The following SORL1 variants were observed in gnomAD, a reference collection of about 807,000 sequenced individuals.
The protein encoded by SORL1 is sortilin-related receptor.
Under a neutral mutation model 273.7 loss-of-function variants are expected in SORL1, and 127 were observed. The observed-to-expected ratio is 0.46, with a 90% CI of 0.40 to 0.54. The LOEUF is 0.54. Ranked by LOEUF, SORL1 falls within the 20% of genes least tolerant of loss-of-function variation. The pLI, the probability that SORL1 is intolerant of heterozygous loss-of-function variation, is 0.00. For missense variants in SORL1, 2,494 were observed against 2,846.1 expected, an observed-to-expected ratio of 0.88 and a Z score of 2.81; for synonymous variants, 1,031 against 1,067.4, an observed-to-expected ratio of 0.97 and a Z score of 0.66.
intron 26 of SORL1, among the ~76,000 whole-genome samples, chr11:121,585,150 G>T (rs1863074902): frequency 6.6e-6 from 1 of 152,160 alleles, no homozygotes; most frequent in African/African-American, 2.4e-5. Flanking sequence ...GATTCATATT[G>T]TGCTTTTTCT....
rs373867020 is a variant in SORL1, at chr11:121,522,390, G to A, written c.1405-196G>A. Among the ~76,000 whole-genome samples the A allele has an allele frequency of 3.9e-5, 6 of 152,228 alleles. No individual in the cohort carries two copies. The East Asian group carries it at 5.8e-4, about 15-fold the overall frequency. On this transcript the variant is annotated intron_variant, in intron 9 of 47. Coordinates refer to ENST00000260197, the MANE Select transcript of SORL1 (RefSeq NM_003105.6). ...AGTTGTAATTGTTCTCTTCTTCCAC[G>A]GGACATTTATGTGGGTTCAGATGAT...
At chr11:121,575,171 A>G (rs1262502213) in intron 24 of SORL1, among the ~76,000 whole-genome samples, 1 of 152,222 alleles carries the variant, frequency 6.6e-6, no homozygotes, top group Non-Finnish European at 1.5e-5. Flanking sequence ...GGGCTTATTC[A>G]AGGTGACACA....
chr11:121,615,435 C>T (rs1049726918), intron 41 of SORL1, among the ~76,000 whole-genome samples: 13 of 152,238 alleles, frequency 8.5e-5, no homozygotes, highest in African/African-American at 3.1e-4. Context: ...TAGTTGATCT[C>T]TCTCCCTATG....
At chr11:121,622,921 G>A (rs1863743657) in intron 45 of SORL1, among the ~76,000 whole-genome samples, 2 of 152,230 alleles carry the variant, frequency 1.3e-5, no homozygotes, top group Admixed American at 1.3e-4. Context: ...AAATAGGAAT[G>A]TGATGAATCA....
At chr11:121,522,768 A>G in intron 10 of SORL1, 65 bp downstream of exon 10, 1 of 1,420,300 alleles carries the variant, frequency 7.0e-7, no homozygotes, top group Non-Finnish European at 1.0e-6. Flanking sequence ...CCAAATGCAG[A>G]GCGATCACCC....
At chr11:121,618,066 A>G (rs1863665361) in intron 41 of SORL1, among the ~76,000 whole-genome samples, 1 of 152,198 alleles carries the variant, frequency 6.6e-6, no homozygotes, top group African/African-American at 2.4e-5. Flanking sequence ...CCAGGCGACC[A>G]GAGGGCAGGA....
chr11:121,498,783 G>A (rs1448138610), intron 6 of SORL1, among the ~76,000 whole-genome samples: 2 of 152,044 alleles, frequency 1.3e-5, no homozygotes, highest in African/African-American at 4.8e-5. Flanking sequence ...GGCCGAGGCA[G>A]GAGAATTGCT....
At chr11:121,593,655 T>C (rs1010860338) in intron 31 of SORL1, among the ~76,000 whole-genome samples, 1 of 151,856 alleles carries the variant, frequency 6.6e-6, no homozygotes, top group Non-Finnish European at 1.5e-5. Context: ...TTCAGTAGCC[T>C]TGTCAGGTGA....
At chr11:121,612,382 C>G (rs1863578562) in intron 39 of SORL1, 1 of 193,210 alleles carries the variant, frequency 5.2e-6, no homozygotes, top group Non-Finnish European at 1.1e-5. Context: ...TTGGCCTTGA[C>G]TGCAAGGATT....
chr11:121,548,116 G>A lies in SORL1; in HGVS notation c.2052-1844G>A, dbSNP rs566459157. On this transcript the variant is annotated intron_variant, in intron 14 of 47. Transcript: ENST00000260197. ...TATGACCCTGTACTTACATATGTAC[G>A]TGTAGATACATACACACATATAATT... Among the ~76,000 whole-genome samples the A allele has an allele frequency of 2.6e-5, 4 of 152,138 alleles. No homozygotes were observed. In the East Asian group the frequency reaches 5.8e-4, roughly 22 times the overall value.
In SORL1 at chr11:121,452,583, C is replaced by T. The variant is rs769805751; in HGVS notation, c.252C>T (p.Ala84=). ...EKPLRRKRSA[A]LQPEPIKVYG... ...CGCTCCGGAGGAAACGGAGCGCTGC[C>T]CTGCAGCCCGAGCCCATCAAGGTGT... Residue 84 remains alanine, a synonymous_variant, in exon 1 of 48, where the codon GCC becomes GCT. Transcript: ENST00000260197. This position sits in a 1 kb window ranked among gnomAD's most constrained non-coding sequence, Gnocchi z 5.3. The T allele has an allele frequency of 3.3e-6, 5 of 1,522,606 alleles. No individual in the cohort carries two copies. Among genetic ancestry groups the T allele is most frequent in the Middle Eastern group, 1.7e-4 (1 of 5,848 alleles). The allele number at this position is 1,522,606 out of a possible 1,614,324, so 94.3% of individuals were successfully genotyped here. A position where few individuals can be genotyped will look rare whatever the true frequency, so the allele number is the denominator to read the frequency against.
At chr11:121,620,597 G>C (rs1487251856) in intron 43 of SORL1, among the ~76,000 whole-genome samples, 1 of 152,072 alleles carries the variant, frequency 6.6e-6, no homozygotes. Flanking sequence ...CTTACTATAT[G>C]CCCTGTTATT....
chr11:121,606,757 G>T (rs912619301), intron 35 of SORL1, 88 bp from the exon 36 acceptor site: 16 of 857,346 alleles, frequency 1.9e-5, no homozygotes, highest in African/African-American at 1.5e-4. Context: ...CTGTGGAGTC[G>T]TTCTTGTCCT....
intron 44 of SORL1, among the ~76,000 whole-genome samples, chr11:121,621,526 G>C (rs900006044): frequency 6.6e-6 from 1 of 152,146 alleles, no homozygotes; most frequent in Non-Finnish European, 1.5e-5. Context: ...GAGGAGGGAT[G>C]CCCAAGAGAG....
chr11:121,607,533 C>T (rs1459245061), intron 37 of SORL1, among the ~76,000 whole-genome samples: 1 of 152,188 alleles, frequency 6.6e-6, no homozygotes, highest in Admixed American at 6.5e-5. Flanking sequence ...TGCCGCTTTC[C>T]CTGCTTTTAA....
chr11:121,525,543 A>T (rs1490996923), intron 11 of SORL1, among the ~76,000 whole-genome samples: 1 of 152,262 alleles, frequency 6.6e-6, no homozygotes, highest in African/African-American at 2.4e-5. Context: ...CATTTCCACC[A>T]AACAGTATGT....
intron 6 of SORL1, among the ~76,000 whole-genome samples, chr11:121,506,280 A>G (rs1334036622): frequency 6.6e-6 from 1 of 152,166 alleles, no homozygotes; most frequent in Non-Finnish European, 1.5e-5. Flanking sequence ...TGGGTACAGT[A>G]AACATGGTGT....
rs530253342 is a variant in SORL1, at chr11:121,605,655, G to A, written c.4948+84G>A. ...GGTCTTTCTGAGTATTCTCAGGAAT[G>A]TGGGAACATATGTGTGCCTCACATG... On this transcript the variant is annotated intron_variant, in intron 35 of 47. Transcript: ENST00000260197. 4.4e-6 allele frequency: 5 copies of A among 1,127,596 alleles called. No individual in the cohort carries two copies. The African/African-American group carries it at 7.7e-5, about 17-fold the overall frequency. The allele number at this position is 1,127,596 out of a possible 1,614,324, so 69.8% of individuals were successfully genotyped here. A position where few individuals can be genotyped will look rare whatever the true frequency, so the allele number is the denominator to read the frequency against.
At chr11:121,602,145 A>T (rs893869764) in intron 32 of SORL1, among the ~76,000 whole-genome samples, 1 of 152,118 alleles carries the variant, frequency 6.6e-6, no homozygotes, top group Admixed American at 6.5e-5. Flanking sequence ...ACCTTTCTCT[A>T]ATTCTTGAAT....
Sources: gnomAD v4.1 joint callset for allele counts (sites outside exome capture counted in the v4.1 genomes callset) on GRCh38, gnomAD v4.1.1 for gene constraint, Gnocchi (gnomAD v3.1) non-coding constraint, MANE v1.5 for transcripts, NCBI Gene and HGNC (gene_info 2026-07-23, HGNC 2026-07-21) for gene names.